SPATA22: variants seen among roughly 807,000 people sequenced by gnomAD.
The protein encoded by SPATA22 is spermatogenesis associated 22.
In SPATA22, 29 loss-of-function variants were observed where a neutral mutation model predicts 47.8. That is an observed-to-expected ratio of 0.61 (90% CI 0.45 to 0.83). The LOEUF is 0.83. SPATA22 is among the 40% of genes least tolerant of loss of function. The pLI, the probability that SPATA22 is intolerant of heterozygous loss-of-function variation, is 0.00. For synonymous variants in SPATA22, 133 were observed against 140.9 expected (o/e 0.94, Z 0.40); for missense variants, 410 against 421.7 (o/e 0.97, Z 0.24).
At chr17:3,465,412 CTT>C (rs1224832261) in intron 3 of SPATA22, among the ~76,000 whole-genome samples, 1 of 151,876 alleles carries the variant, frequency 6.6e-6, no homozygotes, top group South Asian at 2.1e-4. Flanking sequence ...ACATGGGAGA[CTT>C]TTCATTTTGT....
At chr17:3,511,566 G>T (rs980507397) in intron 1 of SPATA22, 1 of 152,224 alleles carries the variant, frequency 6.6e-6, no homozygotes, top group African/African-American at 2.4e-5. Flanking sequence ...AGGCTCAGAC[G>T]TTTTGGCTGA....
upstream of SPATA22, among the ~76,000 whole-genome samples, chr17:3,472,953 A>G (rs537261178): frequency 6.6e-6 from 1 of 152,332 alleles, no homozygotes; most frequent in South Asian, 2.1e-4. Flanking sequence ...GACTTGAACA[A>G]TAAAAATAAA....
rs1303623546 is a variant in SPATA22, at chr17:3,489,290, A to G, written c.-73-19892T>C. 2 of 1,613,334 alleles carry G rather than the reference A, an allele frequency of 1.2e-6. No individual in the cohort carries two copies. Among genetic ancestry groups the G allele is most frequent in the South Asian group, 1.1e-5 (1 of 91,040 alleles). On this transcript the variant is annotated intron_variant, in intron 1 of 8. Coordinates refer to the SPATA22 transcript ENST00000541913. ...TTCTGAGAGCTGATATCTTGGATCA[A>G]ATGAGAAAAATGATTAAACATGCTC...
intron 1 of SPATA22, among the ~76,000 whole-genome samples, chr17:3,487,461 T>C (rs2073744517): frequency 6.6e-6 from 1 of 152,220 alleles, no homozygotes; most frequent in Admixed American, 6.5e-5. Flanking sequence ...ATATCAGCAA[T>C]GTTTGTTCTG....
intron 5 of SPATA22, among the ~76,000 whole-genome samples, chr17:3,462,024 A>G (rs1008077941): frequency 1.2e-4 from 18 of 152,206 alleles, no homozygotes; most frequent in Admixed American, 1.0e-3. Flanking sequence ...TTGCAGATGC[A>G]TATGCATCAC....
chr17:3,456,799 A>G (rs2073009829), intron 5 of SPATA22, among the ~76,000 whole-genome samples: 1 of 151,282 alleles, frequency 6.6e-6, no homozygotes, highest in African/African-American at 2.4e-5. Context: ...AAAATCCTCA[A>G]TAAAATACTG....
rs76667138 is a variant in SPATA22 at position 3,490,878 on chromosome 17, T to C, written c.-73-21480A>G. Among the ~76,000 whole-genome samples, 1 of 152,158 alleles carries C rather than the reference T, an allele frequency of 6.6e-6. No individual in the cohort carries two copies. The highest frequency in any genetic ancestry group is 1.9e-4 in the East Asian group (1 of 5,190). Reference sequence around the variant, plus strand: ...ACCCCACCCCTTAACCCCTTATCTCTGCTTCAACCAGAGCTCTTCTGTGTA... The same window carrying C: ...ACCCCACCCCTTAACCCCTTATCTCCGCTTCAACCAGAGCTCTTCTGTGTA... On this transcript the variant is annotated intron_variant, in intron 1 of 8. Transcript: ENST00000541913. The surrounding 1 kb of genome is among the most constrained non-coding windows in gnomAD (Gnocchi z 4.6).
At chr17:3,443,797 T>C (rs1186351110) in intron 7 of SPATA22, among the ~76,000 whole-genome samples, 1 of 151,952 alleles carries the variant, frequency 6.6e-6, no homozygotes, top group Non-Finnish European at 1.5e-5. Flanking sequence ...ATACAATATA[T>C]TTTCATATAC....
In SPATA22 at chr17:3,488,394, C is replaced by T. The variant is rs190786411; in HGVS notation, c.-73-18996G>A. 1.3e-5 allele frequency among the ~76,000 whole-genome samples: 2 copies of T among 152,148 alleles called. No homozygotes were observed. Among genetic ancestry groups the T allele is most frequent in the Non-Finnish European group, 2.9e-5 (2 of 68,026 alleles). On this transcript the variant is annotated intron_variant, in intron 1 of 8. Coordinates refer to the SPATA22 transcript ENST00000541913. This position sits in a 1 kb window ranked among gnomAD's most constrained non-coding sequence, Gnocchi z 6.1. ...AAACCAGGCCAAGCACGACGGCTCACGCCTGTAATCCCAGCATTTGGGGAA... is the reference window on the plus strand; with the variant it reads ...AAACCAGGCCAAGCACGACGGCTCATGCCTGTAATCCCAGCATTTGGGGAA...
At chr17:3,491,228 A>T (rs748649799) in intron 1 of SPATA22, among the ~76,000 whole-genome samples, 18 of 152,244 alleles carry the variant, frequency 1.2e-4, no homozygotes, top group Non-Finnish European at 2.4e-4. Flanking sequence ...ACAATTGTTT[A>T]AACCAAATGT....
chr17:3,484,271 C>A (rs754640491), intron 1 of SPATA22, among the ~76,000 whole-genome samples: 18 of 152,130 alleles, frequency 1.2e-4, no homozygotes, highest in Non-Finnish European at 2.5e-4. Context: ...AGTGTGCCTA[C>A]CAGAGACCAA....
chr17:3,457,843 A>G (rs927446652), intron 5 of SPATA22, among the ~76,000 whole-genome samples: 1 of 152,228 alleles, frequency 6.6e-6, no homozygotes, highest in Non-Finnish European at 1.5e-5. Flanking sequence ...AAAGACTTAA[A>G]TGTAAGAACT....
chr17:3,470,182 C>A (rs1045785791), intron 1 of SPATA22, among the ~76,000 whole-genome samples: 1 of 150,082 alleles, frequency 6.7e-6, no homozygotes, highest in African/African-American at 2.4e-5. Flanking sequence ...TCCACAACTT[C>A]AACAAGTGAA....
chr17:3,490,566 C>A lies in SPATA22; in HGVS notation c.-73-21168G>T, dbSNP rs1022358598. On this transcript the variant is annotated intron_variant, in intron 1 of 8. Transcript: ENST00000541913. The surrounding 1 kb of genome is among the most constrained non-coding windows in gnomAD (Gnocchi z 4.6). ...GCACCCCACTGCAATCACAGACATTCGTTTTGTGCTTGGGAATCCTTTGAC... is the reference window on the plus strand; with the variant it reads ...GCACCCCACTGCAATCACAGACATTAGTTTTGTGCTTGGGAATCCTTTGAC... 6.6e-6 allele frequency among the ~76,000 whole-genome samples: 1 copy of A among 152,102 alleles called. No individual in the cohort carries two copies. The highest frequency in any genetic ancestry group is 1.9e-4 in the East Asian group (1 of 5,184).
At chr17:3,481,867 G>A (rs973066952) in intron 1 of SPATA22, 1 of 1,372,350 alleles carries the variant, frequency 7.3e-7, no homozygotes, top group African/African-American at 1.4e-5. Context: ...ATGGATGTGA[G>A]ACAATCAGAA....
chr17:3,495,529 A>C (rs2073893945), intron 1 of SPATA22, among the ~76,000 whole-genome samples: 1 of 152,138 alleles, frequency 6.6e-6, no homozygotes, highest in Non-Finnish European at 1.5e-5. Context: ...AAACCTGAAG[A>C]AGCAGCCTTA....
At chr17:3,468,951 T>G in intron 2 of SPATA22, 1 of 525,702 alleles carries the variant, frequency 1.9e-6, no homozygotes, top group Non-Finnish European at 2.5e-6. Context: ...AAGACAGAAG[T>G]GCTTCCGGAA....
chr17:3,470,093 CA>C (rs57432043), intron 1 of SPATA22, among the ~76,000 whole-genome samples: 65 of 54,296 alleles, frequency 1.2e-3, no homozygotes, highest in Non-Finnish European at 1.3e-3. Context: ...GACTCCATCT[CA>C]AAAAAAAAAA....
At chr17:3,450,881 A>G (rs924748308) in intron 5 of SPATA22, among the ~76,000 whole-genome samples, 1 of 152,236 alleles carries the variant, frequency 6.6e-6, no homozygotes, top group African/African-American at 2.4e-5. Flanking sequence ...ACATGAAGTG[A>G]GCACATACTG....
Sources: allele counts gnomAD v4.1 joint callset (sites outside exome capture counted in the v4.1 genomes callset), GRCh38; gene constraint gnomAD v4.1.1; non-coding constraint Gnocchi (gnomAD v3.1); transcripts MANE v1.5; gene names NCBI Gene and HGNC (gene_info 2026-07-23, HGNC 2026-07-21).